Variants in CDKAL1 observed in about 807,000 individuals in gnomAD.
CDKAL1 encodes CDKAL1 threonylcarbamoyladenosine tRNA methylthiotransferase.
A neutral mutation model predicts 68.2 loss-of-function variants in CDKAL1; 32 were observed. That is an observed-to-expected ratio of 0.47 (90% confidence interval 0.35 to 0.63). CDKAL1 has a LOEUF of 0.63. CDKAL1 is among the 30% of genes least tolerant of loss of function. The pLI is 0.00. For synonymous variants in CDKAL1, 234 were observed against 244.3 expected (o/e 0.96, Z 0.39); for missense variants, 606 against 696.7 (o/e 0.87, Z 1.47).
At chr6:21,190,634 T>A (rs767074607) in intron 13 of CDKAL1, among the ~76,000 whole-genome samples, 7 of 152,246 alleles carry the variant, frequency 4.6e-5, no homozygotes, top group Non-Finnish European at 7.3e-5. Context: ...CCCAAAGTTC[T>A]GGGATTACAG....
At chr6:20,606,167 C>T (rs964063677) in intron 4 of CDKAL1, among the ~76,000 whole-genome samples, 7 of 151,924 alleles carry the variant, frequency 4.6e-5, no homozygotes, top group East Asian at 1.9e-4. Flanking sequence ...GTTTTTTGGT[C>T]GTTTCATGTG....
intron 11 of CDKAL1, among the ~76,000 whole-genome samples, chr6:21,027,234 A>G (rs531731730): frequency 6.6e-6 from 1 of 152,164 alleles, no homozygotes; most frequent in East Asian, 1.9e-4. Context: ...ACATTCTTCC[A>G]TATTCATATT....
At chr6:20,926,106 A>G (rs1299798520) in intron 9 of CDKAL1, among the ~76,000 whole-genome samples, 2 of 152,166 alleles carry the variant, frequency 1.3e-5, no homozygotes, top group Non-Finnish European at 2.9e-5. Context: ...TACAAAGGAT[A>G]TTGATACATG....
intron 13 of CDKAL1, among the ~76,000 whole-genome samples, chr6:21,121,307 G>C (rs1488411345): frequency 1.3e-5 from 2 of 152,112 alleles, no homozygotes; most frequent in East Asian, 3.8e-4. Context: ...CCACTTGCAA[G>C]CTAGATGATG....
chr6:20,575,795 A>G (rs1764885855), intron 4 of CDKAL1, among the ~76,000 whole-genome samples: 1 of 152,122 alleles, frequency 6.6e-6, no homozygotes, highest in Non-Finnish European at 1.5e-5. Flanking sequence ...TTGAATCCTC[A>G]GAAATCATCC....
intron 5 of CDKAL1, among the ~76,000 whole-genome samples, chr6:20,713,859 G>A (rs1281131358): frequency 1.3e-5 from 2 of 151,944 alleles, no homozygotes; most frequent in Middle Eastern, 3.2e-3. Context: ...CCACCTACCT[G>A]TTTTGGTTTT....
intron 13 of CDKAL1, chr6:21,135,831 G>A (rs1011392689): frequency 3.6e-5 from 10 of 275,966 alleles, no homozygotes; most frequent in Non-Finnish European, 5.5e-5. Flanking sequence ...CATCCAGGGG[G>A]GAGGCATGAA....
intron 9 of CDKAL1, among the ~76,000 whole-genome samples, chr6:20,876,565 T>C (rs969445106): frequency 6.6e-6 from 1 of 152,218 alleles, no homozygotes; most frequent in Non-Finnish European, 1.5e-5. Context: ...TTTCTTTGTG[T>C]ACTTTTTTAT....
intron 10 of CDKAL1, among the ~76,000 whole-genome samples, chr6:20,981,714 G>T (rs1308798861): frequency 2.6e-5 from 4 of 152,170 alleles, no homozygotes; most frequent in African/African-American, 7.2e-5. Flanking sequence ...GGTGGCAGGT[G>T]CCTATAATCC....
At chr6:20,841,196 A>G (rs768713093) in intron 8 of CDKAL1, among the ~76,000 whole-genome samples, 78 of 152,222 alleles carry the variant, frequency 5.1e-4, no homozygotes, top group Non-Finnish European at 7.6e-4. Context: ...AAAACAAATC[A>G]TGATTAAATT....
intron 9 of CDKAL1, among the ~76,000 whole-genome samples, chr6:20,848,501 A>G (rs1289348017): frequency 6.6e-6 from 1 of 152,142 alleles, no homozygotes; most frequent in African/African-American, 2.4e-5. Context: ...GTAAGTTAAC[A>G]TTGTCATATC....
chr6:21,218,727 CAG>C (rs142574447), intron 15 of CDKAL1, among the ~76,000 whole-genome samples: 15 of 150,610 alleles, frequency 1.0e-4, no homozygotes, highest in Admixed American at 1.3e-4. Context: ...AGCAAGCAAG[CAG>C]AGAGAGAGAG....
At chr6:20,865,419 T>G (rs559358787) in intron 9 of CDKAL1, among the ~76,000 whole-genome samples, 2 of 152,268 alleles carry the variant, frequency 1.3e-5, no homozygotes, top group African/African-American at 4.8e-5. Context: ...GACCTCAGTT[T>G]CGTTGTCCAT....
intron 13 of CDKAL1, among the ~76,000 whole-genome samples, chr6:21,193,765 C>T (rs1196838061): frequency 6.6e-6 from 1 of 152,172 alleles, no homozygotes; most frequent in African/African-American, 2.4e-5. Context: ...TTCTTCCTAT[C>T]CTTGAATGTT....
intron 9 of CDKAL1, among the ~76,000 whole-genome samples, chr6:20,847,026 A>G (rs1778400383): frequency 6.6e-6 from 1 of 152,202 alleles, no homozygotes; most frequent in South Asian, 2.1e-4. Flanking sequence ...TGGGTCTCAG[A>G]AAGTATGAGT....
chr6:21,016,514 G>A (rs1768341446), intron 11 of CDKAL1, among the ~76,000 whole-genome samples: 1 of 152,046 alleles, frequency 6.6e-6, no homozygotes, highest in South Asian at 2.1e-4. Flanking sequence ...CTGGCAGGCA[G>A]TCTTTCATCC....
chr6:20,678,091 G>GT (rs11371206), intron 5 of CDKAL1, among the ~76,000 whole-genome samples: 7,731 of 144,384 alleles, frequency 0.054, 230 homozygotes, highest in Middle Eastern at 0.1. Context: ...GATCTGTGTT[G>GT]TTTTTTTTTT....
At chr6:21,132,688 T>G (rs1171165788) in intron 13 of CDKAL1, among the ~76,000 whole-genome samples, 1 of 152,176 alleles carries the variant, frequency 6.6e-6, no homozygotes, top group Non-Finnish European at 1.5e-5. Context: ...CTTTTTTTAT[T>G]TGTGTTTTTC....
intron 13 of CDKAL1, among the ~76,000 whole-genome samples, chr6:21,196,673 C>T (rs1248516957): frequency 6.6e-6 from 1 of 152,030 alleles, no homozygotes; most frequent in Non-Finnish European, 1.5e-5. Flanking sequence ...TTTATGTTTC[C>T]TTCATGGTAA....
Sources: gnomAD v4.1 joint callset for allele counts (sites outside exome capture counted in the v4.1 genomes callset) on GRCh38, gnomAD v4.1.1 for gene constraint, MANE v1.5 for transcripts, NCBI Gene and HGNC (gene_info 2026-07-23, HGNC 2026-07-21) for gene names.